Variants in ST3GAL1 observed in about 807,000 individuals in gnomAD.
The protein encoded by ST3GAL1 is CMP-N-acetylneuraminate-beta-galactosamide-alpha-2,3-sialyltransferase 1.
ST3GAL1 carries 16 observed loss-of-function variants against 34.1 expected under a neutral mutation model. The observed-to-expected ratio is 0.47, with a 90% CI of 0.32 to 0.71. The LOEUF (loss-of-function observed/expected upper bound fraction) is 0.71, where lower values mean the gene tolerates loss of function less well. Among genes scored for constraint, ST3GAL1 ranks in the 30% least tolerant of loss-of-function variants. The pLI is 0.04. For missense variants in ST3GAL1, 353 were observed against 447.4 expected, an observed-to-expected ratio of 0.79 and a Z score of 1.90; for synonymous variants, 191 against 184.7, an observed-to-expected ratio of 1.03 and a Z score of -0.28.
chr8:133,471,269 A>G (rs1216714873), intron 5 of ST3GAL1, among the ~76,000 whole-genome samples: 1 of 152,228 alleles, frequency 6.6e-6, no homozygotes, highest in African/African-American at 2.4e-5. Flanking sequence ...GCTAAAGCTA[A>G]CACACATTCA....
At chr8:133,481,830 T>A (rs765318813) in intron 3 of ST3GAL1, among the ~76,000 whole-genome samples, 95 of 152,018 alleles carry the variant, frequency 6.2e-4, no homozygotes, top group Admixed American at 2.0e-3. Flanking sequence ...TCTGCTTGGT[T>A]TCTTAGACTC....
At chr8:133,541,884 T>C (rs1170514516) in intron 2 of ST3GAL1, among the ~76,000 whole-genome samples, 2 of 152,098 alleles carry the variant, frequency 1.3e-5, no homozygotes, top group East Asian at 1.9e-4. Flanking sequence ...ATAAATGCAG[T>C]TGGTGGCGGC....
rs1279140824 is a variant in ST3GAL1, at chr8:133,459,731, T to A, written c.*33A>T. 1 of 1,577,582 alleles carries A rather than the reference T, an allele frequency of 6.3e-7. No homozygotes were observed. The highest frequency in any genetic ancestry group is 1.2e-5 in the South Asian group (1 of 86,162). ...TGCTGGGGCTGGAAATGCAGAGGTGTGACAGTGCGTCCATCCTCAGCCCTT... is the reference window on the plus strand; with the variant it reads ...TGCTGGGGCTGGAAATGCAGAGGTGAGACAGTGCGTCCATCCTCAGCCCTT... On this transcript the variant is annotated 3_prime_UTR_variant, in exon 10 of 10. Coordinates refer to ENST00000522652, the MANE Select transcript of ST3GAL1 (RefSeq NM_173344.3). This position sits in a 1 kb window ranked among gnomAD's most constrained non-coding sequence, Gnocchi z 4.7.
At chr8:133,465,648 G>A (rs75894817) in intron 6 of ST3GAL1, 5,569 of 398,922 alleles carry the variant, frequency 0.014, 49 homozygotes, top group Admixed American at 0.018. Flanking sequence ...TCCCAACAAC[G>A]GGGGACCTCC....
At chr8:133,463,520 A>C in intron 7 of ST3GAL1, 61 bp from the exon 8 acceptor site, 1 of 1,561,358 alleles carries the variant, frequency 6.4e-7, no homozygotes, top group Non-Finnish European at 8.8e-7. Context: ...GAACCTGGGC[A>C]TGCAGCTCTG....
At chr8:133,478,389 C>T (rs1022189527) in intron 3 of ST3GAL1, among the ~76,000 whole-genome samples, 14 of 152,162 alleles carry the variant, frequency 9.2e-5, no homozygotes, top group African/African-American at 3.4e-4. Flanking sequence ...ACATGTGGAA[C>T]ATCCTGCTGG....
At chr8:133,480,566 G>A (rs1390898416) in intron 3 of ST3GAL1, among the ~76,000 whole-genome samples, 6 of 152,164 alleles carry the variant, frequency 3.9e-5, no homozygotes, top group South Asian at 4.1e-4. Flanking sequence ...TCAATACAGA[G>A]TGGCCACAAC....
At chr8:133,526,165 G>C (rs2131035822) in intron 2 of ST3GAL1, among the ~76,000 whole-genome samples, 1 of 152,340 alleles carries the variant, frequency 6.6e-6, no homozygotes, top group South Asian at 2.1e-4. Context: ...AGTTGGGTCA[G>C]GCTCCAGGCA....
At chr8:133,561,570 T>C (rs1819223823) in intron 1 of ST3GAL1, among the ~76,000 whole-genome samples, 3 of 152,192 alleles carry the variant, frequency 2.0e-5, no homozygotes, top group Admixed American at 2.0e-4. Flanking sequence ...TGTTACGTTA[T>C]ATTGTTGTGA....
intron 2 of ST3GAL1, among the ~76,000 whole-genome samples, chr8:133,504,818 G>C (rs536225579): frequency 6.6e-6 from 1 of 152,216 alleles, no homozygotes; most frequent in African/African-American, 2.4e-5. Context: ...AAGAGAAAAG[G>C]AATTCTAGTC....
chr8:133,477,037 T>C (rs996582946), intron 3 of ST3GAL1, among the ~76,000 whole-genome samples: 2 of 152,224 alleles, frequency 1.3e-5, no homozygotes, highest in Non-Finnish European at 2.9e-5. Context: ...GGGTTCCTTT[T>C]ACCTGGGCAT....
chr8:133,523,756 G>C (rs926768196), intron 2 of ST3GAL1, among the ~76,000 whole-genome samples: 12 of 152,176 alleles, frequency 7.9e-5, no homozygotes, highest in Admixed American at 1.3e-4. Context: ...CTGGCAGAAG[G>C]CTGGGTATGG....
rs1182394748 is a variant in ST3GAL1, at chr8:133,540,812, C to CAT, written c.-429+4960_-429+4961dup. On this transcript the variant is annotated intron_variant, in intron 2 of 9. Coordinates refer to ENST00000522652, the MANE Select transcript of ST3GAL1 (RefSeq NM_173344.3). ...ATATATAGACATATATATAGAGAGA[C>CAT]ATATATATATAGACATATATATAGA... Among the ~76,000 whole-genome samples, 48 of 98,398 alleles carry CAT rather than the reference C, an allele frequency of 4.9e-4. 3 individuals carry two copies. The highest frequency in any genetic ancestry group is 1.6e-3 in the South Asian group (5 of 3,048). 64.6% of individuals were successfully genotyped at this position (98,398 alleles called of 152,430 possible). A position where few individuals can be genotyped will look rare whatever the true frequency, so the allele number is the denominator to read the frequency against.
intron 5 of ST3GAL1, among the ~76,000 whole-genome samples, chr8:133,473,396 C>T (rs573681610): frequency 6.6e-6 from 1 of 152,290 alleles, no homozygotes; most frequent in South Asian, 2.1e-4. Flanking sequence ...TCTCCTTTAC[C>T]TGCTGTTGTG....
intron 1 of ST3GAL1, among the ~76,000 whole-genome samples, chr8:133,552,519 G>A (rs958492226): frequency 3.9e-5 from 6 of 152,328 alleles, no homozygotes; most frequent in South Asian, 2.1e-4. Flanking sequence ...TCATGCCAGC[G>A]TTTGAGCAAA....
At chr8:133,522,430 GAA>G (rs1476819231) in intron 2 of ST3GAL1, among the ~76,000 whole-genome samples, 2 of 152,120 alleles carry the variant, frequency 1.3e-5, no homozygotes, top group Non-Finnish European at 2.9e-5. Context: ...TACCCCTCTG[GAA>G]ATGTGTTGCA....
intron 1 of ST3GAL1, among the ~76,000 whole-genome samples, chr8:133,558,912 T>C (rs1291913639): frequency 2.0e-5 from 3 of 152,178 alleles, no homozygotes; most frequent in Non-Finnish European, 4.4e-5. Flanking sequence ...GTGTGGAGTT[T>C]GCAAGTTTTC....
At position 133,544,111 on chromosome 8, in the gene ST3GAL1, A is replaced by G. The variant is rs570362466; in HGVS notation, c.-429+1663T>C. ...GTTCTTGCTTGTGCTTGGGTAACCC[A>G]ACGATAAGAAAGCCCAACTTCTAAA... On this transcript the variant is annotated intron_variant, in intron 2 of 9. Transcript: ENST00000522652. The G allele has an allele frequency of 2.0e-5, 3 of 151,772 alleles. No homozygotes were observed. In the South Asian group the frequency reaches 6.2e-4, roughly 31 times the overall value. The allele number at this position is 151,772 out of a possible 1,614,324, so 9.4% of individuals were successfully genotyped here.
chr8:133,541,906 G>C (rs1049293623), intron 2 of ST3GAL1, among the ~76,000 whole-genome samples: 3 of 152,174 alleles, frequency 2.0e-5, no homozygotes, highest in African/African-American at 7.2e-5. Flanking sequence ...TTGATAGTGA[G>C]AGTAGAATGA....
Sources: gnomAD v4.1 joint callset for allele counts (sites outside exome capture counted in the v4.1 genomes callset) on GRCh38, gnomAD v4.1.1 for gene constraint, Gnocchi (gnomAD v3.1) non-coding constraint, MANE v1.5 for transcripts, NCBI Gene and HGNC (gene_info 2026-07-23, HGNC 2026-07-21) for gene names.